Variants in CDH23 observed in about 807,000 individuals in gnomAD.
CDH23 encodes cadherin related 23, also known as cadherin-23.
CDH23 carries 189 observed loss-of-function variants against 317.1 expected under a neutral mutation model. That is an observed-to-expected ratio of 0.60 (90% confidence interval 0.53 to 0.67). The LOEUF is 0.67. Among genes scored for constraint, CDH23 ranks in the 30% least tolerant of loss-of-function variants. CDH23 has a pLI of 0.00. For missense variants in CDH23, 4,401 were observed against 4,592.4 expected (o/e 0.96, Z 1.20); for synonymous variants, 1,839 against 1,876.8 (o/e 0.98, Z 0.52).
chr10:71,789,985 C>A lies in CDH23; in HGVS notation c.5924-303C>A, dbSNP rs193024556. Among the ~76,000 whole-genome samples the A allele has an allele frequency of 1.3e-4, 20 of 152,338 alleles. No individual in the cohort carries two copies. The East Asian group carries it at 3.9e-3, about 29-fold the overall frequency. ...GGAGGGGATGTCAGGGAGCCCCAGA[C>A]CCTCCCGAGGAGCGGCCAGCCTCAA... On this transcript the variant is annotated intron_variant, in intron 45 of 69. Transcript: ENST00000224721.
intron 11 of CDH23, among the ~76,000 whole-genome samples, chr10:71,618,290 G>A (rs556355426): frequency 6.6e-6 from 1 of 152,180 alleles, no homozygotes; most frequent in African/African-American, 2.4e-5. Context: ...TGCAGAGGAG[G>A]AGGCAGGAGG....
intron 16 of CDH23, among the ~76,000 whole-genome samples, chr10:71,678,696 A>G (rs548655105): frequency 2.9e-4 from 44 of 152,336 alleles, no homozygotes; most frequent in African/African-American, 1.1e-3. Context: ...TGGAGGCTCT[A>G]GAGTGAGGGA....
chr10:71,761,992 A>G lies in CDH23; in HGVS notation c.4846-15688A>G, dbSNP rs756110055. ...GCCCCTCGGGACAGACATACAGGGA[A>G]TACGGCGTGGCGACCTTGAAGGCTG... is the stretch of plus-strand genomic sequence containing the variant. On this transcript the variant is annotated intron_variant, in intron 38 of 69. Transcript: ENST00000224721. 7.4e-6 allele frequency: 12 copies of G among 1,611,402 alleles called. 1 individual carries two copies. The South Asian group carries it at 1.3e-4, about 18-fold the overall frequency.
Position 71,436,576 on chromosome 10 carries a change from G to A in CDH23, c.-5-3251G>A, listed in dbSNP as rs1029626636. ...TAGAGTGACCTCTCTGAGCCTCAAT[G>A]TCCTCGTCTGTAAAATGGGGACAAG... On this transcript the variant is annotated intron_variant, in intron 1 of 69. Transcript: ENST00000224721. Among the ~76,000 whole-genome samples the A allele has an allele frequency of 7.2e-5, 11 of 152,218 alleles. No homozygotes were observed. In the East Asian group the frequency reaches 2.1e-3, roughly 29 times the overall value.
intron 9 of CDH23, among the ~76,000 whole-genome samples, chr10:71,593,360 G>A (rs576519293): frequency 2.0e-5 from 3 of 152,240 alleles, no homozygotes; most frequent in East Asian, 3.9e-4. Flanking sequence ...AATGTGAAAC[G>A]TAAAATATAA....
At chr10:71,495,428 A>G (rs551675542) in intron 3 of CDH23, among the ~76,000 whole-genome samples, 1 of 152,280 alleles carries the variant, frequency 6.6e-6, no homozygotes, top group East Asian at 1.9e-4. Context: ...AAAGGTGAAG[A>G]CAAGCTGGGT....
intron 14 of CDH23, among the ~76,000 whole-genome samples, chr10:71,650,578 C>T (rs983024081): frequency 2.0e-5 from 3 of 152,142 alleles, no homozygotes; most frequent in Admixed American, 6.5e-5. Flanking sequence ...TGCCTGTGCA[C>T]GTACATGTTA....
chr10:71,814,239 A>G (rs1202499984), intron 69 of CDH23, among the ~76,000 whole-genome samples: 1 of 152,230 alleles, frequency 6.6e-6, no homozygotes, highest in Admixed American at 6.5e-5. Flanking sequence ...ATAGAGCACC[A>G]AAGTTAATAC....
intron 3 of CDH23, among the ~76,000 whole-genome samples, chr10:71,502,967 G>C (rs1853420793): frequency 6.6e-6 from 1 of 152,220 alleles, no homozygotes; most frequent in South Asian, 2.1e-4. Context: ...CTCTCCAGGA[G>C]CCGCATGACC....
chr10:71,648,611 G>A (rs961934305), intron 14 of CDH23, among the ~76,000 whole-genome samples: 1 of 152,232 alleles, frequency 6.6e-6, no homozygotes, highest in Non-Finnish European at 1.5e-5. Context: ...GGCATCCCTT[G>A]GTCGGTGGTG....
chr10:71,456,425 T>C (rs1850700587), intron 3 of CDH23, among the ~76,000 whole-genome samples: 1 of 150,988 alleles, frequency 6.6e-6, no homozygotes, highest in African/African-American at 2.5e-5. Context: ...GACTGTGTCT[T>C]CTTGGGGGTC....
At chr10:71,491,920 C>T (rs1236703752) in intron 3 of CDH23, among the ~76,000 whole-genome samples, 1 of 152,160 alleles carries the variant, frequency 6.6e-6, no homozygotes, top group Non-Finnish European at 1.5e-5. Context: ...CTCGAGCACA[C>T]GCAGGTCCTG....
In CDH23 at chr10:71,812,793, C is replaced by T. The variant is rs1239700602; in HGVS notation, c.9536C>T (p.Ala3179Val). The change falls in exon 68 of 70, where the codon GCT (alanine) becomes GTT (valine). Residue 3179 changes from alanine to valine, a missense_variant. Physicochemically the swap from Ala to Val is moderately conservative, Grantham distance 64. Around this residue, in one of 3 missense-constraint regions of CDH23, gnomAD observed 1,144 missense variants for 1,138.2 expected, o/e 1.01. Coordinates refer to ENST00000224721, the MANE Select transcript of CDH23 (RefSeq NM_022124.6). ...THGTFGREPA[A>V]VKPDDDRYLR... ...GGAACTTTTGGGCGTGAGCCAGCAGCTGTCAAGCCTGATGATGACCGATAC... is the reference window on the plus strand; with the variant it reads ...GGAACTTTTGGGCGTGAGCCAGCAGTTGTCAAGCCTGATGATGACCGATAC... 1.1e-5 allele frequency: 18 copies of T among 1,613,210 alleles called. 1 individual carries two copies. In the South Asian group the frequency reaches 1.8e-4, roughly 16 times the overall value.
intron 45 of CDH23, 43 bp from the exon 46 acceptor site, chr10:71,790,245 G>T (rs770585932): frequency 2.5e-5 from 40 of 1,608,588 alleles, no homozygotes; most frequent in Non-Finnish European, 2.5e-5. Flanking sequence ...GGAGGGCAGG[G>T]GGCTGGGTTG....
At chr10:71,697,033 C>T (rs1225243336) in intron 22 of CDH23, among the ~76,000 whole-genome samples, 2 of 152,216 alleles carry the variant, frequency 1.3e-5, no homozygotes, top group African/African-American at 4.8e-5. Flanking sequence ...TGGGAAATTC[C>T]TCCCAAAGGG....
intron 6 of CDH23, among the ~76,000 whole-genome samples, chr10:71,531,582 G>A (rs1182643489): frequency 6.6e-6 from 1 of 152,164 alleles, no homozygotes; most frequent in Non-Finnish European, 1.5e-5. Context: ...CCTTGGGAAA[G>A]TGGGCATGGC....
At chr10:71,409,150 T>C (rs1848240428) in intron 1 of CDH23, among the ~76,000 whole-genome samples, 2 of 152,202 alleles carry the variant, frequency 1.3e-5, no homozygotes, top group Non-Finnish European at 2.9e-5. Context: ...GCAGGACTTT[T>C]TGTCTCCTGA....
At chr10:71,684,749 G>A (rs1475444125) in intron 18 of CDH23, among the ~76,000 whole-genome samples, 1 of 152,200 alleles carries the variant, frequency 6.6e-6, no homozygotes, top group Non-Finnish European at 1.5e-5. Context: ...TCCCATGAGT[G>A]GGCTGAGGCA....
At chr10:71,485,551 CA>C (rs1219511941) in intron 3 of CDH23, among the ~76,000 whole-genome samples, 2 of 152,380 alleles carry the variant, frequency 1.3e-5, no homozygotes, top group East Asian at 3.9e-4. Context: ...CACCTGCTCC[CA>C]AGCCAACTTC....
Sources: allele counts gnomAD v4.1 joint callset (sites outside exome capture counted in the v4.1 genomes callset), GRCh38; gene constraint gnomAD v4.1.1; regional missense constraint gnomAD v4.1.1; transcripts MANE v1.5; gene names NCBI Gene and HGNC (gene_info 2026-07-23, HGNC 2026-07-21).